LRP2: variants seen among roughly 807,000 people sequenced by gnomAD.
LRP2 encodes LDL receptor related protein 2, also known as low-density lipoprotein receptor-related protein 2.
Under a neutral mutation model 531.0 loss-of-function variants are expected in LRP2, and 172 were observed. That is an observed-to-expected ratio of 0.32 (90% CI 0.29 to 0.37). The LOEUF is 0.37. Among genes scored for constraint, LRP2 ranks in the 10% least tolerant of loss-of-function variants. The pLI, the probability that LRP2 is intolerant of heterozygous loss-of-function variation, is 1.00. For missense variants in LRP2, 5,167 were observed against 5,868.3 expected (o/e 0.88, Z 3.90); for synonymous variants, 1,992 against 2,027.6 (o/e 0.98, Z 0.47).
intron 24 of LRP2, among the ~76,000 whole-genome samples, chr2:169,241,942 A>G (rs908811276): frequency 1.1e-4 from 16 of 152,222 alleles, no homozygotes; most frequent in African/African-American, 3.9e-4. Flanking sequence ...CTATTTGACA[A>G]GGGTAAACCA....
chr2:169,358,293 C>A (rs754204841), intron 1 of LRP2, among the ~76,000 whole-genome samples: 28 of 152,064 alleles, frequency 1.8e-4, no homozygotes, highest in Non-Finnish European at 3.1e-4. Flanking sequence ...ACCTATTAAC[C>A]GCCTTCCCTT....
chr2:169,240,842 A>C, intron 25 of LRP2, 146 bp downstream of exon 25: 1 of 913,714 alleles, frequency 1.1e-6, no homozygotes, highest in South Asian at 1.3e-5. Context: ...GAATTCAATT[A>C]TGGTTACCCC....
At position 169,293,345 on chromosome 2, in the gene LRP2, G is replaced by A. The variant is rs78739823; in HGVS notation, c.652+803C>T. Among the ~76,000 whole-genome samples the A allele has an allele frequency of 4.4e-3, 669 of 152,300 alleles. 4 individuals carry two copies. Among genetic ancestry groups the A allele is most frequent in the African/African-American group, 0.015 (637 of 41,558 alleles). ...GCATGGACATAAAAGCAAGGTCAGC[G>A]TGAAGAAGTGGAGGCAAGAAAGCCA... On this transcript the variant is annotated intron_variant, in intron 6 of 78. Transcript: ENST00000649046.
At chr2:169,200,092 A>C (rs1019012034) in intron 44 of LRP2, among the ~76,000 whole-genome samples, 1 of 152,126 alleles carries the variant, frequency 6.6e-6, no homozygotes, top group Non-Finnish European at 1.5e-5. Flanking sequence ...CTACTAAAAA[A>C]TACAAAAAAT....
intron 69 of LRP2, 86 bp downstream of exon 69, chr2:169,146,653 A>T: frequency 8.7e-7 from 1 of 1,147,566 alleles, no homozygotes; most frequent in Non-Finnish European, 1.3e-6. Flanking sequence ...TCCTAAGAGC[A>T]GGGCTCCTTC....
In LRP2 at chr2:169,273,043, T is replaced by C. The variant is rs1284496315; in HGVS notation, c.2000A>G (p.Asn667Ser). 2.5e-6 allele frequency: 4 copies of C among 1,613,676 alleles called. No homozygotes were observed. Among genetic ancestry groups the C allele is most frequent in the South Asian group, 1.1e-5 (1 of 91,078 alleles). Residue 667 changes from asparagine to serine, a missense_variant, in exon 15 of 79, where the codon AAT (asparagine) becomes AGT (serine). By Grantham distance (46) the Asn-to-Ser change is conservative. Transcript: ENST00000649046. ...GACACAGACCTGCTCACAGCCCCCA[T>C]TGTTATCTTTACACGGATTGGTAGC... ...PYATNPCKDN[N>S]GGCEQVCVLS...
Position 169,176,446 on chromosome 2 carries a change from G to A in LRP2, c.10536C>T (p.Cys3512=), listed in dbSNP as rs531013104. The part of the protein sequence containing the change: ...LSGSTYCMPM[C]SSTQFLCANN... ...TAGCGCACAGGAACTGGGTGCTGGA[G>A]CACATGGGCATGCAGTAGGTGCTGC... is the stretch of plus-strand genomic sequence containing the variant. The change falls in exon 54 of 79, where the codon TGC becomes TGT. Residue 3512 remains cysteine (C), a synonymous_variant. Transcript: ENST00000649046. 282 of 1,614,198 alleles carry A rather than the reference G, an allele frequency of 1.7e-4. 4 individuals are homozygous for A. The South Asian group carries it at 3.0e-3, about 17-fold the overall frequency.
At position 169,206,823 on chromosome 2, in the gene LRP2, C is replaced by G. The variant is rs1688407841; in HGVS notation, c.6897G>C (p.Lys2299Asn). 3 of 1,614,038 alleles carry G rather than the reference C, an allele frequency of 1.9e-6. No homozygotes were observed. The Admixed American group carries it at 5.0e-5, about 27-fold the overall frequency. The change falls in exon 39 of 79, where the codon AAG becomes AAC. Residue 2299 changes from lysine to asparagine, a missense_variant. Coordinates refer to ENST00000649046, the MANE Select transcript of LRP2 (RefSeq NM_004525.3). ...CTGGTTCCTTGCTGGCTTGGAAGAT[C>G]TTTTTCAAATTCCTATCTACCCATA... ...SIIWVDRNLK[K>N]IFQASKEPEN...
At position 169,182,235 on chromosome 2, in the gene LRP2, G is replaced by C. The variant is rs147493850; in HGVS notation, c.9930C>G (p.His3310Gln). 1.2e-6 allele frequency: 2 copies of C among 1,614,032 alleles called. No individual in the cohort carries two copies. Among genetic ancestry groups the C allele is most frequent in the African/African-American group, 2.7e-5 (2 of 74,940 alleles). ...NGGHRRMLAQ[H>Q]CVDANNTFCF... ...AGAAGGTGTTGTTGGCATCCACACA[G>C]TGCTGGGCCAGCATGCGGCGGTGTC... The change falls in exon 51 of 79, where the codon CAC becomes CAG. Residue 3310 changes from histidine to glutamine, a missense_variant. Physicochemically the swap from His to Gln is conservative, Grantham distance 24. Around this residue, in one of 6 missense-constraint regions of LRP2, gnomAD observed 1,129 missense variants for 1,362.7 expected, o/e 0.83. Transcript: ENST00000649046.
chr2:169,318,760 A>AC lies in LRP2; in HGVS notation c.310+1dup. 1 of 1,614,098 alleles carries AC rather than the reference A, an allele frequency of 6.2e-7. No individual in the cohort carries two copies. Among genetic ancestry groups the AC allele is most frequent in the Non-Finnish European group, 8.5e-7 (1 of 1,179,966 alleles). On this transcript the variant is annotated splice_donor_variant, in intron 3 of 78. Transcript: ENST00000649046. LOFTEE classifies it high-confidence loss of function. ...AAGCAAGATTCCTCTCCAAACACTT[A>AC]CAGCAATCTTGACGTTCATCTGAGC...
At chr2:169,327,570 G>A (rs1214365582) in intron 1 of LRP2, among the ~76,000 whole-genome samples, 9 of 127,576 alleles carry the variant, frequency 7.1e-5, no homozygotes, top group Admixed American at 2.9e-4. Context: ...CGCCCCATCC[G>A]GGAGGTGAGG....
At chr2:169,209,663 T>C in intron 37 of LRP2, 22 bp from the exon 38 acceptor site, 1 of 1,610,960 alleles carries the variant, frequency 6.2e-7, no homozygotes, top group Admixed American at 1.7e-5. Flanking sequence ...GAAAAGATCA[T>C]TAAAAAATGC....
chr2:169,244,129 AG>A (rs1334098325), intron 22 of LRP2, among the ~76,000 whole-genome samples: 1 of 152,236 alleles, frequency 6.6e-6, no homozygotes, highest in Non-Finnish European at 1.5e-5. Context: ...TGACTTGCCT[AG>A]TCAGGCAACC....
intron 35 of LRP2, 63 bp from the exon 36 acceptor site, chr2:169,213,933 A>G (rs1327628901): frequency 1.9e-6 from 2 of 1,065,766 alleles, no homozygotes; most frequent in Non-Finnish European, 2.9e-6. Context: ...ACATTTAAAC[A>G]CTAATATTCT....
chr2:169,320,035 A>G (rs910414122), intron 2 of LRP2, among the ~76,000 whole-genome samples: 1 of 152,210 alleles, frequency 6.6e-6, no homozygotes, highest in African/African-American at 2.4e-5. Context: ...GATGAAGGAA[A>G]TTGCAGATGT....
chr2:169,239,445 A>G (rs1207212037), intron 26 of LRP2, 82 bp downstream of exon 26: 7 of 1,611,512 alleles, frequency 4.3e-6, no homozygotes, highest in Non-Finnish European at 5.9e-6. Context: ...CCTAATCAAC[A>G]TTGTCAAATA....
In LRP2 at chr2:169,266,530, C is replaced by T. The variant is rs188449788; in HGVS notation, c.2320+4374G>A. Among the ~76,000 whole-genome samples, 9 of 152,038 alleles carry T rather than the reference C, an allele frequency of 5.9e-5. No individual in the cohort carries two copies. The East Asian group carries it at 7.8e-4, about 13-fold the overall frequency. Reference sequence around the variant, plus strand: ...ACAACCTTATGAGCAATATATGAACCGCATATTTTTCAGACTAGAAAATTG... The same window carrying T: ...ACAACCTTATGAGCAATATATGAACTGCATATTTTTCAGACTAGAAAATTG... On this transcript the variant is annotated intron_variant, in intron 16 of 78. Transcript: ENST00000649046.
chr2:169,225,535 C>T, intron 32 of LRP2, 82 bp from the exon 33 acceptor site: 2 of 1,490,028 alleles, frequency 1.3e-6, no homozygotes, highest in Non-Finnish European at 9.3e-7. Flanking sequence ...GTGGCTACTG[C>T]CAGCTGCTGT....
chr2:169,154,388 C>T (rs2105358645), intron 66 of LRP2, 72 bp downstream of exon 66: 2 of 1,417,696 alleles, frequency 1.4e-6, no homozygotes, highest in African/African-American at 1.4e-5. Flanking sequence ...CAATAAATTC[C>T]TTAAAAGTCA....
Sources: gnomAD v4.1 joint callset for allele counts (sites outside exome capture counted in the v4.1 genomes callset) on GRCh38, gnomAD v4.1.1 for gene constraint, gnomAD v4.1.1 regional missense constraint, MANE v1.5 for transcripts, NCBI Gene and HGNC (gene_info 2026-07-23, HGNC 2026-07-21) for gene names.